The following LTA4H variants were observed in gnomAD, a reference collection of about 807,000 sequenced individuals.
LTA4H encodes leukotriene A-4 hydrolase.
Under a neutral mutation model 89.8 loss-of-function variants are expected in LTA4H, and 59 were observed. The ratio of observed to expected loss-of-function variants is 0.66; its 90% CI spans 0.53 to 0.82. LTA4H has a LOEUF of 0.82. LTA4H is among the 40% of genes least tolerant of loss of function. The probability of loss-of-function intolerance (pLI) is 0.00; values close to 1 mark genes in which losing one functional copy is unlikely to be tolerated. For missense variants in LTA4H, 617 were observed against 727.0 expected (o/e 0.85, Z 1.74); for synonymous variants, 227 against 253.1 (o/e 0.90, Z 0.98).
At chr12:96,027,778 G>A in intron 2 of LTA4H, 3 of 300,266 alleles carry the variant, frequency 1.0e-5, no homozygotes, top group East Asian at 1.3e-4. Flanking sequence ...CCTCTCCCAT[G>A]CTAACTGCTA....
rs548812664 is a variant in LTA4H at position 96,033,099 on chromosome 12, A to C, written c.159+2262T>G. Reference sequence around the variant, plus strand: ...AACCTGCACATTTGAAGTACACCTGAACTTCAAATAATAAATTTTTTAAGT... The same window carrying C: ...AACCTGCACATTTGAAGTACACCTGCACTTCAAATAATAAATTTTTTAAGT... On this transcript the variant is annotated intron_variant, in intron 1 of 18. Transcript: ENST00000228740. Among the ~76,000 whole-genome samples, 18 of 152,360 alleles carry C rather than the reference A, an allele frequency of 1.2e-4. No individual in the cohort carries two copies. The South Asian group carries it at 3.5e-3, about 30-fold the overall frequency.
chr12:96,014,723 AG>A (rs762200812), intron 12 of LTA4H, 131 bp downstream of exon 12: 8 of 819,978 alleles, frequency 9.8e-6, no homozygotes, highest in Non-Finnish European at 1.5e-5. Context: ...AAAACAATAC[AG>A]ATTTCTTCAG....
At chr12:96,018,715 G>T (rs1355456673) in intron 8 of LTA4H, 48 bp downstream of exon 8, 1 of 1,451,358 alleles carries the variant, frequency 6.9e-7, no homozygotes, top group East Asian at 2.4e-5. Flanking sequence ...AGGTTCTTAA[G>T]TTTATTTTTG....
chr12:96,022,127 T>C lies in LTA4H; in HGVS notation c.585+20A>G, dbSNP rs1950459729. The C allele has an allele frequency of 6.4e-7, 1 of 1,563,038 alleles. No homozygotes were observed. Among genetic ancestry groups the C allele is most frequent in the African/African-American group, 1.4e-5 (1 of 73,950 alleles). ...AGTTTACCGCCAATGAAAACAAAAA[T>C]CTAGACCCTAGGATCTTACTTTTTG... is the stretch of plus-strand genomic sequence containing the variant. On this transcript the variant is annotated intron_variant, in intron 5 of 18. Transcript: ENST00000228740. This position sits in a 1 kb window ranked among gnomAD's most constrained non-coding sequence, Gnocchi z 4.0.
chr12:96,033,429 C>T (rs892539821), intron 1 of LTA4H, among the ~76,000 whole-genome samples: 1 of 152,162 alleles, frequency 6.6e-6, no homozygotes, highest in African/African-American at 2.4e-5. Context: ...CTAGCGACCT[C>T]GGTTTTGGTT....
At chr12:96,036,884 T>C (rs988490673), upstream of LTA4H, among the ~76,000 whole-genome samples, 13 of 152,120 alleles carry the variant, frequency 8.5e-5, no homozygotes, top group Admixed American at 5.9e-4. Flanking sequence ...AAGCTTACAA[T>C]CATGGCAGAA....
Position 96,029,084 on chromosome 12 carries a change from C to A in LTA4H, c.261G>T (p.Met87Ile). The A allele has an allele frequency of 6.3e-7, 1 of 1,588,808 alleles. No homozygotes were observed. Among genetic ancestry groups the A allele is most frequent in the Non-Finnish European group, 8.6e-7 (1 of 1,168,132 alleles). Reference sequence around the variant, plus strand: ...TCAAAGCGATAGGAAGAGAGATTTCCATTGGCGATCCCTTGTAACTTTGTC... The same window carrying A: ...TCAAAGCGATAGGAAGAGAGATTTCAATTGGCGATCCCTTGTAACTTTGTC... ...GERQSYKGSPMEISLPIALSK... is the reference protein window; with the variant it reads ...GERQSYKGSPIEISLPIALSK... The change falls in exon 2 of 19, where the codon ATG (methionine) becomes ATT (isoleucine). Residue 87 changes from methionine to isoleucine, a missense_variant. Coordinates refer to ENST00000228740, the MANE Select transcript of LTA4H (RefSeq NM_000895.3).
At chr12:96,002,089 C>A (rs190893955) in intron 18 of LTA4H, among the ~76,000 whole-genome samples, 299 of 152,284 alleles carry the variant, frequency 2.0e-3, no homozygotes, top group African/African-American at 6.7e-3. Flanking sequence ...AAACTCCTGA[C>A]CTCGTGATCT....
chr12:96,018,611 GGT>G, intron 8 of LTA4H, 150 bp downstream of exon 8: 2 of 451,124 alleles, frequency 4.4e-6, no homozygotes, highest in Non-Finnish European at 7.4e-6. Flanking sequence ...TAGAAACAAA[GGT>G]TACACGAACA....
In LTA4H at chr12:96,025,568, C is replaced by T. The variant is rs563549907; in HGVS notation, c.412-1021G>A. Among the ~76,000 whole-genome samples the T allele has an allele frequency of 5.3e-5, 8 of 152,304 alleles. 1 individual carries two copies. Among genetic ancestry groups the T allele is most frequent in the African/African-American group, 1.9e-4 (8 of 41,554 alleles). ...ACCACAGGCCAGGTGCCGTGGCTCA[C>T]TCCTGCAATCCCAGCACTTTGGGAG... On this transcript the variant is annotated intron_variant, in intron 3 of 18. Transcript: ENST00000228740.
intron 7 of LTA4H, 129 bp downstream of exon 7, chr12:96,019,039 C>A (rs1361795746): frequency 1.6e-5 from 18 of 1,132,014 alleles, no homozygotes; most frequent in Admixed American, 2.5e-5. Context: ...AAGAATGTAG[C>A]AACTACACAT....
chr12:96,019,585 ATTTTTTTTTTT>A (rs755971682), intron 6 of LTA4H, among the ~76,000 whole-genome samples: 3 of 99,390 alleles, frequency 3.0e-5, no homozygotes, highest in African/African-American at 4.4e-5. Flanking sequence ...ATAAGAAACT[ATTTTTTTTTTT>A]TTTTTTTTTT....
intron 3 of LTA4H, among the ~76,000 whole-genome samples, chr12:96,026,420 C>A (rs990802871): frequency 2.0e-5 from 3 of 152,168 alleles, no homozygotes; most frequent in Non-Finnish European, 2.9e-5. Flanking sequence ...TCAAAATTAA[C>A]ATTTTCATGA....
chr12:96,016,285 T>C (rs538021617), intron 10 of LTA4H, among the ~76,000 whole-genome samples: 22 of 121,722 alleles, frequency 1.8e-4, no homozygotes, highest in Non-Finnish European at 2.3e-4. Flanking sequence ...GGCGACAGAG[T>C]GAGACTCCAT....
chr12:96,036,111 G>A (rs921802228), upstream of LTA4H, among the ~76,000 whole-genome samples: 4 of 152,048 alleles, frequency 2.6e-5, no homozygotes, highest in African/African-American at 9.7e-5. Flanking sequence ...ATTGTTTTTT[G>A]TTTTTAGCTG....
In LTA4H at chr12:96,017,571, T is replaced by A; in HGVS notation, c.862A>T (p.Lys288Ter). The A allele has an allele frequency of 3.7e-6, 6 of 1,611,044 alleles. No individual in the cohort carries two copies. The highest frequency in any genetic ancestry group is 5.1e-6 in the Non-Finnish European group (6 of 1,177,894). Residue 288 changes from lysine (K) to a stop codon, truncating the protein, a stop_gained, in exon 9 of 19, where the codon AAG (lysine) becomes TAG (stop). Transcript: ENST00000228740. LOFTEE classifies it high-confidence loss of function. ...FVTPTLLAGD[K>*]SLSNVIAHEI... ...GTTTAACTTACATTGGAGAGTGACT[T>A]GTCGCCTGCCTACAAAAAAAGAAAA... is the stretch of plus-strand genomic sequence containing the variant.
chr12:96,027,236 GCTT>G lies in LTA4H; in HGVS notation c.411+205_411+207del, dbSNP rs144935346. On this transcript the variant is annotated intron_variant, in intron 3 of 18. Coordinates refer to ENST00000228740, the MANE Select transcript of LTA4H (RefSeq NM_000895.3). ...TGGACATATTTCCAAACTGAAAGAA[GCTT>G]CTTATTTAAAGTAAGGCATGAGTGT... Among the ~76,000 whole-genome samples the G allele has an allele frequency of 1.1e-4, 17 of 152,264 alleles. No homozygotes were observed. The East Asian group carries it at 3.3e-3, about 29-fold the overall frequency.
intron 1 of LTA4H, among the ~76,000 whole-genome samples, chr12:96,032,714 C>T (rs1349595188): frequency 6.6e-6 from 1 of 152,074 alleles, no homozygotes; most frequent in Non-Finnish European, 1.5e-5. Context: ...ATTATAATTC[C>T]AGGCTCTAAT....
chr12:96,041,379 G>A (rs1158253232), intron 1 of LTA4H, among the ~76,000 whole-genome samples: 3 of 152,036 alleles, frequency 2.0e-5, no homozygotes, highest in Non-Finnish European at 4.4e-5. Flanking sequence ...TGCTCTTCGA[G>A]ACCATGTTGC....
Sources: allele counts gnomAD v4.1 joint callset (sites outside exome capture counted in the v4.1 genomes callset), GRCh38; gene constraint gnomAD v4.1.1; non-coding constraint Gnocchi (gnomAD v3.1); transcripts MANE v1.5; gene names NCBI Gene and HGNC (gene_info 2026-07-23, HGNC 2026-07-21).